VASH2: variants seen among roughly 807,000 people sequenced by gnomAD.
VASH2 encodes vasohibin 2, also known as tubulinyl-Tyr carboxypeptidase 2.
Under a neutral mutation model 37.2 loss-of-function variants are expected in VASH2, and 28 were observed. That is an observed-to-expected ratio of 0.75 (90% confidence interval 0.56 to 1.03). The LOEUF is 1.03. Ranked by LOEUF, VASH2 falls within the 50% of genes least tolerant of loss-of-function variation. The pLI is 0.00. For missense variants in VASH2, 419 were observed against 459.1 expected (o/e 0.91, Z 0.80); for synonymous variants, 188 against 174.7 (o/e 1.08, Z -0.60).
intron 5 of VASH2, among the ~76,000 whole-genome samples, chr1:212,970,042 G>A (rs148205047): frequency 8.5e-5 from 13 of 152,186 alleles, no homozygotes; most frequent in Non-Finnish European, 1.9e-4. Context: ...ATTTTGGGGG[G>A]CCTCACTGGC....
chr1:212,963,626 G>A (rs1244644112), intron 3 of VASH2, among the ~76,000 whole-genome samples: 1 of 147,084 alleles, frequency 6.8e-6, no homozygotes, highest in African/African-American at 2.6e-5. Context: ...TGCTGGATTG[G>A]GGGAGAAGCC....
chr1:212,973,589 A>G, intron 6 of VASH2: 9 of 1,252,652 alleles, frequency 7.2e-6, no homozygotes, highest in South Asian at 1.4e-5. Flanking sequence ...GAGGAAGAAC[A>G]GGCTGGTTTC....
At chr1:212,961,461 C>T (rs1666674562) in intron 3 of VASH2, 2 of 1,074,760 alleles carry the variant, frequency 1.9e-6, no homozygotes, top group Middle Eastern at 3.1e-4. Flanking sequence ...GGCTGGTTCC[C>T]CTTGAGCCCT....
intron 3 of VASH2, among the ~76,000 whole-genome samples, chr1:212,962,386 A>G (rs1288100857): frequency 6.6e-6 from 1 of 151,916 alleles, no homozygotes; most frequent in Non-Finnish European, 1.5e-5. Flanking sequence ...TGTATAAAAC[A>G]TAGCCTGTTC....
At chr1:212,988,460 T>C in intron 7 of VASH2, 52 bp from the exon 8 acceptor site, 12 of 1,589,126 alleles carry the variant, frequency 7.6e-6, no homozygotes, top group Non-Finnish European at 1.0e-5. Context: ...TGCTGTTGTC[T>C]TTCTTTGCCC....
chr1:212,983,610 A>C (rs527423645), intron 7 of VASH2, among the ~76,000 whole-genome samples: 1 of 152,326 alleles, frequency 6.6e-6, no homozygotes, highest in South Asian at 2.1e-4. Flanking sequence ...GACACATTTA[A>C]GCCATAGCAA....
At chr1:212,958,549 C>A (rs1310842530) in intron 2 of VASH2, among the ~76,000 whole-genome samples, 1 of 152,212 alleles carries the variant, frequency 6.6e-6, no homozygotes, top group Non-Finnish European at 1.5e-5. Flanking sequence ...GGTGGTCAGT[C>A]CTTCAGCAGA....
chr1:212,970,889 C>T (rs1345438774), intron 5 of VASH2, among the ~76,000 whole-genome samples: 2 of 144,110 alleles, frequency 1.4e-5, no homozygotes, highest in Non-Finnish European at 3.0e-5. Flanking sequence ...GACTGTGTCT[C>T]AAAAAAATGA....
chr1:212,960,483 G>A (rs1034227337), intron 2 of VASH2, among the ~76,000 whole-genome samples: 2 of 152,334 alleles, frequency 1.3e-5, no homozygotes, highest in East Asian at 3.9e-4. Flanking sequence ...GGCGTTGCAG[G>A]GAGGGTGGTA....
Position 212,989,501 on chromosome 1 carries a change from T to C in VASH2, c.*917T>C, listed in dbSNP as rs769526107. 9.2e-5 allele frequency: 14 copies of C among 152,204 alleles called. No individual in the cohort carries two copies. Among genetic ancestry groups the C allele is most frequent in the Non-Finnish European group, 1.9e-4 (13 of 68,034 alleles). The allele number at this position is 152,204 out of a possible 1,614,324, so 9.4% of individuals were successfully genotyped here. A position where few individuals can be genotyped will look rare whatever the true frequency, so the allele number is the denominator to read the frequency against. The stretch of plus-strand genomic sequence containing the variant: ...AGCAGGTCTTCAGAACCAAAAAACC[T>C]TTCTGTTCACATTTCATCTGATTTT... On this transcript the variant is annotated 3_prime_UTR_variant, in exon 8 of 8. Transcript: ENST00000517399.
intron 7 of VASH2, among the ~76,000 whole-genome samples, chr1:212,975,238 C>A (rs762284458): frequency 6.6e-6 from 1 of 152,170 alleles, no homozygotes; most frequent in Admixed American, 6.5e-5. Flanking sequence ...CAGGACAGGA[C>A]GAAGTATTTT....
In VASH2 at chr1:212,959,841, T is replaced by G. The variant is rs570370308; in HGVS notation, c.277-1325T>G. Among the ~76,000 whole-genome samples, 770 of 152,328 alleles carry G rather than the reference T, an allele frequency of 5.1e-3. 5 individuals are homozygous for G. Among genetic ancestry groups the G allele is most frequent in the African/African-American group, 0.018 (744 of 41,580 alleles). ...GAGCACCAGATCCCCAGGGCTGCCCTTGCCCTGTTTGCTCTGAGGATGGGC... is the reference window on the plus strand; with the variant it reads ...GAGCACCAGATCCCCAGGGCTGCCCGTGCCCTGTTTGCTCTGAGGATGGGC... On this transcript the variant is annotated intron_variant, in intron 2 of 7. Transcript: ENST00000517399.
Position 212,971,933 on chromosome 1 carries a change from G to A in VASH2, c.498-647G>A, listed in dbSNP as rs115180973. On this transcript the variant is annotated intron_variant, in intron 5 of 7. Coordinates refer to ENST00000517399, the MANE Select transcript of VASH2 (RefSeq NM_001301056.2). The surrounding 1 kb of genome is among the most constrained non-coding windows in gnomAD (Gnocchi z 4.0). ...TGCCAGGATGTGAGACACAACCCCCGCCCTCACAAGATACAAACAATTACA... is the reference window on the plus strand; with the variant it reads ...TGCCAGGATGTGAGACACAACCCCCACCCTCACAAGATACAAACAATTACA... 0.021 allele frequency among the ~76,000 whole-genome samples: 3,242 copies of A among 152,244 alleles called. 62 individuals carry two copies. Among genetic ancestry groups the A allele is most frequent in the Middle Eastern group, 0.054 (16 of 294 alleles).
rs1667008657 is a variant in VASH2, at chr1:212,971,467, T to C, written c.498-1113T>C. Among the ~76,000 whole-genome samples, 1 of 152,242 alleles carries C rather than the reference T, an allele frequency of 6.6e-6. No individual in the cohort carries two copies. Among genetic ancestry groups the C allele is most frequent in the Non-Finnish European group, 1.5e-5 (1 of 68,044 alleles). On this transcript the variant is annotated intron_variant, in intron 5 of 7. Coordinates refer to ENST00000517399, the MANE Select transcript of VASH2 (RefSeq NM_001301056.2). The surrounding 1 kb of genome is among the most constrained non-coding windows in gnomAD (Gnocchi z 4.0). Reference sequence around the variant, plus strand: ...GGCTCCACAGCCCTACCTGGCAGGCTGTCGGGCACAGCAGACACTCAGGGT... The same window carrying C: ...GGCTCCACAGCCCTACCTGGCAGGCCGTCGGGCACAGCAGACACTCAGGGT...
chr1:212,987,103 C>T (rs1667500536), intron 7 of VASH2, among the ~76,000 whole-genome samples: 1 of 152,026 alleles, frequency 6.6e-6, no homozygotes, highest in African/African-American at 2.4e-5. Context: ...ATTCACTGAG[C>T]TGTGCTTTAG....
Position 212,974,031 on chromosome 1 carries a change from A to G in VASH2, c.956A>G (p.Gln319Arg). The change falls in exon 7 of 8, where the codon CAG becomes CGG. Residue 319 changes from glutamine (Q) to arginine (R), a missense_variant. By Grantham distance (43) the Gln-to-Arg change is conservative (BLOSUM62 1). Transcript: ENST00000517399. ...AAATCCCTGTCCCCCAGAAGGAGAC[A>G]GGCAAGCCCCCCGAGGAGGCTCGGC... Reference protein sequence around the residue: ...RGKSLSPRRRQASPPRRLGRR... With the variant: ...RGKSLSPRRRRASPPRRLGRR... 3 of 1,613,876 alleles carry G rather than the reference A, an allele frequency of 1.9e-6. No individual in the cohort carries two copies. The highest frequency in any genetic ancestry group is 2.2e-5 in the East Asian group (1 of 44,874).
At chr1:212,979,860 G>A (rs1667288908) in intron 7 of VASH2, among the ~76,000 whole-genome samples, 2 of 152,104 alleles carry the variant, frequency 1.3e-5, no homozygotes, top group South Asian at 2.1e-4. Flanking sequence ...GGAGAGGGAG[G>A]TTGAGATTCA....
chr1:212,981,446 C>T (rs1012843408), intron 7 of VASH2, among the ~76,000 whole-genome samples: 2 of 152,200 alleles, frequency 1.3e-5, no homozygotes, highest in African/African-American at 2.4e-5. Flanking sequence ...CTACCCAGAC[C>T]GGCCGTGAAT....
chr1:212,972,958 G>T lies in VASH2; in HGVS notation c.876G>T (p.Met292Ile). Residue 292 changes from methionine to isoleucine, a missense_variant, in exon 6 of 8, where the codon ATG (methionine) becomes ATT (isoleucine). By Grantham distance (10) the Met-to-Ile change is conservative. Coordinates refer to ENST00000517399, the MANE Select transcript of VASH2 (RefSeq NM_001301056.2). ...AGAAATATGCCAGGGACATGAGAAT[G>T]AAGGTGGGTGCTGGGAAGACAAGGA... ...ELEKYARDMR[M>I]KILKPASAHS... 9 of 1,609,994 alleles carry T rather than the reference G, an allele frequency of 5.6e-6. No homozygotes were observed. The highest frequency in any genetic ancestry group is 7.6e-6 in the Non-Finnish European group (9 of 1,179,974).
Sources: allele counts gnomAD v4.1 joint callset (sites outside exome capture counted in the v4.1 genomes callset), GRCh38; gene constraint gnomAD v4.1.1; non-coding constraint Gnocchi (gnomAD v3.1); transcripts MANE v1.5; gene names NCBI Gene and HGNC (gene_info 2026-07-23, HGNC 2026-07-21).